Variants in THNSL1 observed in about 807,000 individuals in gnomAD.
THNSL1 encodes the protein threonine synthase-like 1.
THNSL1 carries 48 observed loss-of-function variants against 50.4 expected under a neutral mutation model. The ratio of observed to expected loss-of-function variants is 0.95; its 90% CI spans 0.76 to 1.21. The LOEUF (loss-of-function observed/expected upper bound fraction) is 1.21. Among genes scored for constraint, THNSL1 ranks in the 50% most tolerant of loss-of-function variants. The probability of loss-of-function intolerance (pLI) is 0.00; values close to 1 mark genes in which losing one functional copy is unlikely to be tolerated. For synonymous variants in THNSL1, 309 were observed against 306.1 expected, an observed-to-expected ratio of 1.01 and a Z score of -0.10; for missense variants, 896 against 871.7, an observed-to-expected ratio of 1.03 and a Z score of -0.35.
chr10:24,997,819 A>ATATATATATG, the THNSL1 span, among the ~76,000 whole-genome samples: 8 of 151,500 alleles, frequency 5.3e-5, no homozygotes, highest in African/African-American at 2.0e-4. Flanking sequence ...ATATATATAT[A>ATATATATATG]TATATATGTT....
chr10:24,973,787 T>C, the THNSL1 span, among the ~76,000 whole-genome samples: 1 of 152,178 alleles, frequency 6.6e-6, no homozygotes, highest in Non-Finnish European at 1.5e-5. Context: ...AGAGTCTCCC[T>C]CTTTCGCCCA....
At chr10:24,963,741 G>A in the THNSL1 span, among the ~76,000 whole-genome samples, 80 of 152,252 alleles carry the variant, frequency 5.3e-4, no homozygotes, top group Non-Finnish European at 1.0e-3. Flanking sequence ...ATTCCCAAAA[G>A]CCCGTTTGCT....
upstream of THNSL1, chr10:25,016,222 C>T: frequency 9.0e-7 from 1 of 1,105,002 alleles, no homozygotes. Context: ...CAAACTAGGT[C>T]TCCCCTCTTC....
chr10:24,999,213 C>A, the THNSL1 span, among the ~76,000 whole-genome samples: 4 of 152,164 alleles, frequency 2.6e-5, no homozygotes, highest in Admixed American at 6.5e-5. Flanking sequence ...ATTCTGGGGG[C>A]AATTTATCAC....
At position 25,025,166 on chromosome 10, in the gene THNSL1, T is replaced by G. The variant is rs926133082; in HGVS notation, c.1943T>G (p.Val648Gly). The G allele has an allele frequency of 2.5e-6, 4 of 1,614,030 alleles. No individual in the cohort carries two copies. In the African/African-American group the frequency reaches 5.3e-5, roughly 22 times the overall value. The change falls in exon 3 of 3, where the codon GTG becomes GGG. Residue 648 changes from valine (V) to glycine (G), a missense_variant. Coordinates refer to ENST00000376356, the MANE Select transcript of THNSL1 (RefSeq NM_024838.5). ...GATCCACACACTGCTGTTGCAAAAG[T>G]GGTTGCAGATAGGGTGCAAGACAAA... Reference protein sequence around the residue: ...ILDPHTAVAKVVADRVQDKTC... With the variant: ...ILDPHTAVAKGVADRVQDKTC...
the THNSL1 span, among the ~76,000 whole-genome samples, chr10:24,992,938 C>T: frequency 6.6e-6 from 1 of 152,284 alleles, no homozygotes; most frequent in African/African-American, 2.4e-5. Flanking sequence ...AATAATGGAG[C>T]TTCATCATGA....
the THNSL1 span, among the ~76,000 whole-genome samples, chr10:24,989,377 G>A: frequency 1.3e-5 from 2 of 152,112 alleles, no homozygotes; most frequent in Non-Finnish European, 2.9e-5. Context: ...AAGAGACACC[G>A]TCCTTGCCTT....
rs1850833860 is a variant in THNSL1 at position 25,025,557 on chromosome 10, C to T, written c.*102C>T. 8.8e-7 allele frequency: 1 copy of T among 1,138,744 alleles called. No individual in the cohort carries two copies. The highest frequency in any genetic ancestry group is 2.7e-5 in the Admixed American group (1 of 37,268). The allele number at this position is 1,138,744 out of a possible 1,614,324, so 70.5% of individuals were successfully genotyped here. A position where few individuals can be genotyped will look rare whatever the true frequency, so the allele number is the denominator to read the frequency against. ...AGCATTTTGTCTTTTATGTAAATAT[C>T]TCTATATCTGTTTGGAATTTCAAAA... is the stretch of plus-strand genomic sequence containing the variant. On this transcript the variant is annotated 3_prime_UTR_variant, in exon 3 of 3. Coordinates refer to ENST00000376356, the MANE Select transcript of THNSL1 (RefSeq NM_024838.5).
the THNSL1 span, among the ~76,000 whole-genome samples, chr10:24,972,515 A>AT: frequency 2.3e-4 from 35 of 149,352 alleles, no homozygotes; most frequent in African/African-American, 7.7e-4. Flanking sequence ...CTCAAAAAAA[A>AT]AAAAATAAAT....
At chr10:25,017,085 T>C (rs1425267152) in intron 1 of THNSL1, among the ~76,000 whole-genome samples, 2 of 152,172 alleles carry the variant, frequency 1.3e-5, no homozygotes, top group African/African-American at 4.8e-5. Flanking sequence ...CGCCTGCTCT[T>C]CCCCGGGTCG....
intron 1 of THNSL1, among the ~76,000 whole-genome samples, chr10:25,020,092 G>A (rs1458558520): frequency 6.6e-6 from 1 of 151,932 alleles, no homozygotes; most frequent in African/African-American, 2.4e-5. Flanking sequence ...TTAGTATGTA[G>A]CTTAAAATAG....
the THNSL1 span, chr10:24,995,666 G>T: frequency 1.2e-6 from 2 of 1,612,438 alleles, no homozygotes; most frequent in Admixed American, 1.7e-5. Context: ...ATGTACTTTG[G>T]AACTAGTCCT....
At chr10:25,017,586 C>T (rs899115015) in intron 1 of THNSL1, among the ~76,000 whole-genome samples, 1 of 145,942 alleles carries the variant, frequency 6.9e-6, no homozygotes, top group East Asian at 2.1e-4. Context: ...TGGGCTCTTA[C>T]TGAATTTCAC....
At chr10:24,956,301 CT>C in the THNSL1 span, among the ~76,000 whole-genome samples, 1 of 152,088 alleles carries the variant, frequency 6.6e-6, no homozygotes, top group Non-Finnish European at 1.5e-5. Context: ...GCCCTCCACC[CT>C]CAAGTAGGCC....
At chr10:25,006,393 C>A in the THNSL1 span, among the ~76,000 whole-genome samples, 2 of 152,074 alleles carry the variant, frequency 1.3e-5, no homozygotes, top group South Asian at 4.2e-4. Flanking sequence ...AACATTTGTG[C>A]TCCTCTGTGA....
chr10:25,020,006 T>A (rs942627246), intron 1 of THNSL1, among the ~76,000 whole-genome samples: 52 of 152,178 alleles, frequency 3.4e-4, no homozygotes, highest in African/African-American at 1.2e-3. Context: ...AATGAGGATG[T>A]CTTTTCCTCA....
chr10:24,975,571 T>C, the THNSL1 span, among the ~76,000 whole-genome samples: 2 of 152,218 alleles, frequency 1.3e-5, no homozygotes, highest in Admixed American at 6.5e-5. Flanking sequence ...GCTGTTATCC[T>C]GTTCTCATGA....
At chr10:24,995,671 A>T in the THNSL1 span, 4 of 1,613,224 alleles carry the variant, frequency 2.5e-6, no homozygotes, top group African/African-American at 2.7e-5. Flanking sequence ...CTTTGGAACT[A>T]GTCCTGAAGG....
At chr10:24,977,620 A>G in the THNSL1 span, among the ~76,000 whole-genome samples, 3 of 152,228 alleles carry the variant, frequency 2.0e-5, no homozygotes, top group Non-Finnish European at 4.4e-5. Context: ...AATGAAGAAT[A>G]TGTATTAATA....
Sources: allele counts gnomAD v4.1 joint callset (sites outside exome capture counted in the v4.1 genomes callset), GRCh38; gene constraint gnomAD v4.1.1; transcripts MANE v1.5; gene names NCBI Gene and HGNC (gene_info 2026-07-23, HGNC 2026-07-21).